Variants in PRKN observed in about 807,000 individuals in gnomAD.
PRKN encodes E3 ubiquitin-protein ligase parkin.
A neutral mutation model predicts 59.5 loss-of-function variants in PRKN; 56 were observed. The ratio of observed to expected loss-of-function variants is 0.94; its 90% CI spans 0.76 to 1.18. The LOEUF (loss-of-function observed/expected upper bound fraction) is 1.18. PRKN is among the 50% of genes most tolerant of loss of function. PRKN has a pLI of 0.00. For synonymous variants in PRKN, 250 were observed against 222.1 expected, an observed-to-expected ratio of 1.13 and a Z score of -1.12; for missense variants, 657 against 596.4, an observed-to-expected ratio of 1.10 and a Z score of -1.06.
At chr6:162,632,617 C>T (rs1000748834) in intron 1 of PRKN, among the ~76,000 whole-genome samples, 1 of 151,766 alleles carries the variant, frequency 6.6e-6, no homozygotes, top group African/African-American at 2.4e-5. Context: ...TGTAACAAAC[C>T]TACACATGTA....
chr6:162,215,205 C>T (rs1322887336), intron 3 of PRKN, among the ~76,000 whole-genome samples: 1 of 152,170 alleles, frequency 6.6e-6, no homozygotes, highest in African/African-American at 2.4e-5. Flanking sequence ...TCTCTCCTAC[C>T]AGGCTTTAGA....
At chr6:161,478,814 C>T (rs1791251253) in intron 9 of PRKN, among the ~76,000 whole-genome samples, 1 of 152,144 alleles carries the variant, frequency 6.6e-6, no homozygotes. Context: ...CCACTGTACT[C>T]CCAGCCTGAG....
chr6:161,672,468 T>C lies in PRKN; in HGVS notation c.872-103052A>G, dbSNP rs1314767875. On this transcript the variant is annotated intron_variant, in intron 7 of 11. Transcript: ENST00000366898. ...TATTAATCTTAAAGATATCCCAGCA[T>C]ATTCTCAACTTAAAATTTAAAATAT... 2.0e-5 allele frequency among the ~76,000 whole-genome samples: 3 copies of C among 152,214 alleles called. No individual in the cohort carries two copies. In the East Asian group the frequency reaches 5.8e-4, roughly 29 times the overall value.
intron 3 of PRKN, among the ~76,000 whole-genome samples, chr6:162,252,302 T>A (rs964083614): frequency 8.5e-5 from 13 of 152,204 alleles, no homozygotes; most frequent in African/African-American, 2.9e-4. Context: ...TGGATATTTG[T>A]CAGGTGAAGA....
At chr6:161,683,484 A>G (rs1043808617) in intron 7 of PRKN, among the ~76,000 whole-genome samples, 14 of 152,158 alleles carry the variant, frequency 9.2e-5, no homozygotes, top group African/African-American at 2.2e-4. Flanking sequence ...GGGGAAGACC[A>G]TTGCCTCTTT....
intron 1 of PRKN, among the ~76,000 whole-genome samples, chr6:162,513,738 G>A (rs750504095): frequency 2.0e-5 from 3 of 152,058 alleles, no homozygotes; most frequent in Non-Finnish European, 2.9e-5. Context: ...GCATCAGGTA[G>A]TAAAACTGTC....
intron 6 of PRKN, among the ~76,000 whole-genome samples, chr6:161,898,020 G>A (rs1159984268): frequency 6.8e-6 from 1 of 147,702 alleles, no homozygotes; most frequent in Non-Finnish European, 1.5e-5. Context: ...TTTCTCATCT[G>A]CTACATCTTC....
rs183414122 is a variant in PRKN at position 161,354,892 on chromosome 6, C to G, written c.1286-4681G>C. Among the ~76,000 whole-genome samples the G allele has an allele frequency of 1.1e-4, 16 of 152,370 alleles. No individual in the cohort carries two copies. The highest frequency in any genetic ancestry group is 1.0e-3 in the Admixed American group (16 of 15,306). ...ACAATATTTCCAAGAAATAGCCCGA[C>G]AGGGAGAAACTTTCCTACAGTCACG... On this transcript the variant is annotated intron_variant, in intron 11 of 11. Coordinates refer to ENST00000366898, the MANE Select transcript of PRKN (RefSeq NM_004562.3). This position sits in a 1 kb window ranked among gnomAD's most constrained non-coding sequence, Gnocchi z 6.7.
chr6:161,597,515 G>A (rs1410465984), intron 7 of PRKN, among the ~76,000 whole-genome samples: 2 of 152,082 alleles, frequency 1.3e-5, no homozygotes, highest in Non-Finnish European at 2.9e-5. Context: ...CTTACCCAGG[G>A]GTGACAAAAC....
chr6:162,524,671 T>C (rs1778211206), intron 1 of PRKN, among the ~76,000 whole-genome samples: 1 of 152,184 alleles, frequency 6.6e-6, no homozygotes, highest in Admixed American at 6.5e-5. Context: ...ACCTAAACTA[T>C]GGAACTGCAG....
In PRKN at chr6:162,400,557, A is replaced by G. The variant is rs1019174035; in HGVS notation, c.171+42753T>C. On this transcript the variant is annotated intron_variant, in intron 2 of 11. Coordinates refer to ENST00000366898, the MANE Select transcript of PRKN (RefSeq NM_004562.3). ...ATACAGCATGTTGAATATTGTTCTC[A>G]AAATTTTTTGGAAAAAACCGAACTA... Among the ~76,000 whole-genome samples, 3 of 152,266 alleles carry G rather than the reference A, an allele frequency of 2.0e-5. No homozygotes were observed. The East Asian group carries it at 5.8e-4, about 29-fold the overall frequency.
intron 5 of PRKN, among the ~76,000 whole-genome samples, chr6:162,021,576 G>A (rs59324484): frequency 6.6e-6 from 1 of 150,746 alleles, no homozygotes; most frequent in Non-Finnish European, 1.5e-5. Flanking sequence ...GCTCAGATAA[G>A]AAACATATTA....
intron 6 of PRKN, among the ~76,000 whole-genome samples, chr6:161,945,032 G>A (rs1779727011): frequency 6.6e-6 from 1 of 152,142 alleles, no homozygotes; most frequent in Non-Finnish European, 1.5e-5. Flanking sequence ...AGTATTGTCA[G>A]TGTAATCTAT....
chr6:162,323,250 G>A (rs1783109898), intron 2 of PRKN, among the ~76,000 whole-genome samples: 1 of 151,432 alleles, frequency 6.6e-6, no homozygotes, highest in Admixed American at 6.6e-5. Flanking sequence ...AACTTGAAAT[G>A]GATCTCACCA....
At chr6:162,417,365 G>A (rs952716499) in intron 2 of PRKN, among the ~76,000 whole-genome samples, 16 of 152,120 alleles carry the variant, frequency 1.1e-4, no homozygotes, top group Admixed American at 4.6e-4. Flanking sequence ...TCCTGCCCCC[G>A]GCAGCCGGGC....
In PRKN at chr6:161,874,231, A is replaced by G. The variant is rs1246541161; in HGVS notation, c.735-88323T>C. Among the ~76,000 whole-genome samples, 37 of 10,098 alleles carry G rather than the reference A, an allele frequency of 3.7e-3. 4 individuals are homozygous for G. The highest frequency in any genetic ancestry group is 4.7e-3 in the African/African-American group (20 of 4,256). The allele number at this position is 10,098 out of a possible 152,430, so 6.6% of individuals were successfully genotyped here. On this transcript the variant is annotated intron_variant, in intron 6 of 11. Transcript: ENST00000366898. ...ATGTAAAATATAATATATATTATATATAATATATAATATATAATATATATT... is the reference window on the plus strand; with the variant it reads ...ATGTAAAATATAATATATATTATATGTAATATATAATATATAATATATATT...
intron 1 of PRKN, among the ~76,000 whole-genome samples, chr6:162,673,804 C>T (rs769216603): frequency 2.6e-5 from 4 of 152,200 alleles, no homozygotes; most frequent in East Asian, 1.9e-4. Context: ...CTCAATCATA[C>T]GTTCAAACTT....
At chr6:162,634,398 C>T (rs1395817758) in intron 1 of PRKN, among the ~76,000 whole-genome samples, 2 of 152,120 alleles carry the variant, frequency 1.3e-5, no homozygotes, top group Non-Finnish European at 2.9e-5. Flanking sequence ...CTCCAAGGCA[C>T]ACCCTGAGGA....
At chr6:161,749,270 A>G (rs1037268952) in intron 7 of PRKN, among the ~76,000 whole-genome samples, 5 of 152,184 alleles carry the variant, frequency 3.3e-5, no homozygotes, top group Non-Finnish European at 7.3e-5. Context: ...CTATCTTTGT[A>G]AGCCACAGAG....
Sources: allele counts gnomAD v4.1 joint callset (sites outside exome capture counted in the v4.1 genomes callset), GRCh38; gene constraint gnomAD v4.1.1; non-coding constraint Gnocchi (gnomAD v3.1); transcripts MANE v1.5; gene names NCBI Gene and HGNC (gene_info 2026-07-23, HGNC 2026-07-21).